The following TENM3 variants were observed in gnomAD, a reference collection of about 807,000 sequenced individuals.
TENM3 encodes the protein teneurin-3.
A neutral mutation model predicts 255.1 loss-of-function variants in TENM3; 63 were observed. The observed-to-expected ratio is 0.25, with a 90% CI of 0.20 to 0.30. TENM3 has a LOEUF of 0.30. Among genes scored for constraint, TENM3 ranks in the 10% least tolerant of loss-of-function variants. The pLI is 1.00. For missense variants in TENM3, 2,929 were observed against 3,461.1 expected (o/e 0.85, Z 3.86); for synonymous variants, 1,306 against 1,322.3 (o/e 0.99, Z 0.27).
the TENM3 span, among the ~76,000 whole-genome samples, chr4:181,504,431 C>G: frequency 1.3e-5 from 2 of 152,194 alleles, no homozygotes; most frequent in African/African-American, 4.8e-5. Context: ...ACAGGAACTG[C>G]TGGTTTGAAA....
At chr4:181,907,342 C>T in the TENM3 span, among the ~76,000 whole-genome samples, 1 of 152,118 alleles carries the variant, frequency 6.6e-6, no homozygotes, top group Non-Finnish European at 1.5e-5. Flanking sequence ...CCAGTCACTG[C>T]CATGAAGTAA....
At chr4:181,491,328 C>G in the TENM3 span, among the ~76,000 whole-genome samples, 1 of 151,954 alleles carries the variant, frequency 6.6e-6, no homozygotes, top group East Asian at 1.9e-4. Context: ...CATAATTCAT[C>G]TTCACACTGC....
At chr4:181,982,889 A>G in the TENM3 span, among the ~76,000 whole-genome samples, 2 of 152,174 alleles carry the variant, frequency 1.3e-5, no homozygotes, top group East Asian at 3.9e-4. Flanking sequence ...TTGATTTACC[A>G]AAGAAAACTA....
chr4:182,372,798 G>C (rs1242762214), intron 3 of TENM3, among the ~76,000 whole-genome samples: 2 of 152,234 alleles, frequency 1.3e-5, no homozygotes, highest in African/African-American at 4.8e-5. Context: ...GGATGATCTT[G>C]GCTCACTGCA....
chr4:181,467,121 ATATATTTT>A, the TENM3 span, among the ~76,000 whole-genome samples: 40 of 20,364 alleles, frequency 2.0e-3, no homozygotes, highest in Middle Eastern at 0.023. Context: ...ATATATATAT[ATATATTTT>A]TTTTTTTTTT....
intron 3 of TENM3, among the ~76,000 whole-genome samples, chr4:182,489,099 T>C (rs777659938): frequency 6.6e-6 from 1 of 152,170 alleles, no homozygotes. Flanking sequence ...TTGGCAGTCT[T>C]GACAGGTTTT....
At chr4:181,619,849 G>T in the TENM3 span, among the ~76,000 whole-genome samples, 1 of 152,190 alleles carries the variant, frequency 6.6e-6, no homozygotes, top group Non-Finnish European at 1.5e-5. Context: ...CGGAGCAGGT[G>T]TGTTACTGCT....
At chr4:181,563,288 G>A in the TENM3 span, among the ~76,000 whole-genome samples, 1 of 152,050 alleles carries the variant, frequency 6.6e-6, no homozygotes, top group East Asian at 1.9e-4. Context: ...ACCATTTCTC[G>A]GCTTGTAGAA....
the TENM3 span, among the ~76,000 whole-genome samples, chr4:182,010,907 C>A: frequency 6.6e-6 from 1 of 152,186 alleles, no homozygotes; most frequent in East Asian, 1.9e-4. Context: ...TCAGCAGTTA[C>A]CTGGCTCCAC....
At chr4:181,920,655 T>C in the TENM3 span, among the ~76,000 whole-genome samples, 1 of 151,900 alleles carries the variant, frequency 6.6e-6, no homozygotes, top group Non-Finnish European at 1.5e-5. Flanking sequence ...ATGAGTAGGT[T>C]GCAAAAATTT....
chr4:182,642,160 C>T (rs1213261501), intron 5 of TENM3, among the ~76,000 whole-genome samples: 1 of 152,200 alleles, frequency 6.6e-6, no homozygotes, highest in Non-Finnish European at 1.5e-5. Flanking sequence ...CTTTGGGCAG[C>T]TGATCGTGAC....
the TENM3 span, among the ~76,000 whole-genome samples, chr4:181,604,108 C>CA: frequency 7.0e-4 from 107 of 151,822 alleles, no homozygotes; most frequent in Non-Finnish European, 1.1e-3. Context: ...ACTAAAAATA[C>CA]AAAAAAATTA....
chr4:181,734,263 A>G, the TENM3 span, among the ~76,000 whole-genome samples: 2 of 152,124 alleles, frequency 1.3e-5, no homozygotes, highest in African/African-American at 4.8e-5. Context: ...ATATATATCT[A>G]CTAAAATAGA....
At chr4:182,439,683 C>G (rs186213999) in intron 3 of TENM3, among the ~76,000 whole-genome samples, 27 of 152,314 alleles carry the variant, frequency 1.8e-4, no homozygotes, top group African/African-American at 6.3e-4. Context: ...CTCTGACATT[C>G]ACCCCATTAT....
At chr4:182,501,397 C>T (rs1736312462) in intron 3 of TENM3, among the ~76,000 whole-genome samples, 1 of 150,042 alleles carries the variant, frequency 6.7e-6, no homozygotes, top group African/African-American at 2.5e-5. Flanking sequence ...GGCAATTAAT[C>T]TTATTACTAC....
At chr4:182,158,489 G>A (rs570148246) in intron 1 of TENM3, among the ~76,000 whole-genome samples, 1 of 152,330 alleles carries the variant, frequency 6.6e-6, no homozygotes, top group South Asian at 2.1e-4. Flanking sequence ...CTTGGGTCCA[G>A]ATTGTGGGTA....
At chr4:182,166,101 T>C (rs182278314) in intron 1 of TENM3, among the ~76,000 whole-genome samples, 1 of 152,320 alleles carries the variant, frequency 6.6e-6, no homozygotes, top group Non-Finnish European at 1.5e-5. Flanking sequence ...TTTTAAAATG[T>C]GCGTTTATGT....
Position 182,308,811 on chromosome 4 carries a change from G to A in TENM3, c.-75-15135G>A, listed in dbSNP as rs189095332. 2.7e-4 allele frequency among the ~76,000 whole-genome samples: 41 copies of A among 152,270 alleles called. No individual in the cohort carries two copies. In the East Asian group the frequency reaches 7.7e-3, roughly 29 times the overall value. On this transcript the variant is annotated intron_variant, in intron 1 of 27. Transcript: ENST00000511685. Reference sequence around the variant, plus strand: ...TAAGGTGTGTAACTAAACTTGAGAAGTCCAAACAGTATATTTCTGTGTGAG... The same window carrying A: ...TAAGGTGTGTAACTAAACTTGAGAAATCCAAACAGTATATTTCTGTGTGAG...
chr4:182,782,976 T>C (rs1765299679), intron 24 of TENM3, among the ~76,000 whole-genome samples: 1 of 151,628 alleles, frequency 6.6e-6, no homozygotes, highest in African/African-American at 2.4e-5. Flanking sequence ...ATTTCCTGAA[T>C]ACAGCACACT....
Sources: gnomAD v4.1 joint callset for allele counts (sites outside exome capture counted in the v4.1 genomes callset) on GRCh38, gnomAD v4.1.1 for gene constraint, MANE v1.5 for transcripts, NCBI Gene and HGNC (gene_info 2026-07-23, HGNC 2026-07-21) for gene names.